Variants in GARIN1B observed in about 807,000 individuals in gnomAD.
The protein encoded by GARIN1B is golgi associated RAB2 interactor 1B.
chr7:128,731,045 G>T, the GARIN1B span: 3 of 1,512,862 alleles, frequency 2.0e-6, no homozygotes, highest in Admixed American at 5.0e-5. Flanking sequence ...GCCCACAAAA[G>T]AGCTTTTTAG....
the GARIN1B span, chr7:128,723,434 C>T: frequency 2.3e-6 from 3 of 1,302,672 alleles, no homozygotes; most frequent in South Asian, 2.8e-5. Context: ...TTTACGTGAC[C>T]AGGCACGGTG....
chr7:128,730,310 C>T, the GARIN1B span, among the ~76,000 whole-genome samples: 11,646 of 152,240 alleles, frequency 0.076, 763 homozygotes, highest in East Asian at 0.37. Flanking sequence ...GCTGCTTTCT[C>T]TTGCTGTATG....
the GARIN1B span, chr7:128,723,133 T>C: frequency 4.3e-5 from 64 of 1,479,002 alleles, no homozygotes; most frequent in Non-Finnish European, 5.2e-5. Context: ...TGGACCATGA[T>C]ATTAGGAAAA....
the GARIN1B span, chr7:128,714,236 C>A: frequency 8.5e-7 from 1 of 1,171,806 alleles, no homozygotes; most frequent in Non-Finnish European, 1.2e-6. Flanking sequence ...CAAACTCTGT[C>A]TATATGTGTT....
At chr7:128,726,494 T>C in the GARIN1B span, among the ~76,000 whole-genome samples, 2 of 152,194 alleles carry the variant, frequency 1.3e-5, no homozygotes, top group Non-Finnish European at 1.5e-5. Context: ...TTTTTGCACA[T>C]TGGCAACAAC....
At chr7:128,716,233 G>A in the GARIN1B span, among the ~76,000 whole-genome samples, 1 of 152,130 alleles carries the variant, frequency 6.6e-6, no homozygotes, top group Non-Finnish European at 1.5e-5. Context: ...ACAGGCACTC[G>A]GTGCACGTTC....
chr7:128,717,379 A>G, the GARIN1B span, among the ~76,000 whole-genome samples: 3 of 151,810 alleles, frequency 2.0e-5, no homozygotes, highest in Non-Finnish European at 2.9e-5. Flanking sequence ...ACTGGACTCA[A>G]TTTTTAAAAT....
At chr7:128,730,076 CA>C in the GARIN1B span, 1 of 1,610,256 alleles carries the variant, frequency 6.2e-7, no homozygotes, top group South Asian at 1.1e-5. Context: ...ATAGGTACAG[CA>C]ATGGGAGGAA....
the GARIN1B span, chr7:128,723,416 C>T: frequency 1.2e-5 from 17 of 1,474,866 alleles, no homozygotes; most frequent in African/African-American, 7.0e-5. Flanking sequence ...GGTTAATGAG[C>T]GCAGGGTTTT....
chr7:128,720,082 A>C, the GARIN1B span, among the ~76,000 whole-genome samples: 1 of 152,020 alleles, frequency 6.6e-6, no homozygotes, highest in Non-Finnish European at 1.5e-5. Context: ...TCTTCATCTG[A>C]TAGATGATTT....
At chr7:128,719,098 T>C in the GARIN1B span, 1 of 1,610,636 alleles carries the variant, frequency 6.2e-7, no homozygotes, top group East Asian at 2.2e-5. Context: ...GTGAGCACCA[T>C]TGCCACCCTG....
chr7:128,727,347 C>T, the GARIN1B span, among the ~76,000 whole-genome samples: 16 of 152,198 alleles, frequency 1.1e-4, 1 homozygote, highest in East Asian at 1.9e-3. Flanking sequence ...AAAGCTTGTG[C>T]CTAGGGTGCC....
At chr7:128,723,617 C>T in the GARIN1B span, among the ~76,000 whole-genome samples, 1 of 146,308 alleles carries the variant, frequency 6.8e-6, no homozygotes, top group African/African-American at 2.5e-5. Flanking sequence ...TCAAGCGATT[C>T]TCCCGCCTCA....
the GARIN1B span, among the ~76,000 whole-genome samples, chr7:128,724,230 C>T: frequency 6.6e-6 from 1 of 152,024 alleles, no homozygotes; most frequent in Non-Finnish European, 1.5e-5. Context: ...AGGCTGGTCT[C>T]GAATTCCTGA....
the GARIN1B span, chr7:128,731,355 G>T: frequency 1.7e-6 from 1 of 583,132 alleles, no homozygotes. Context: ...TGTGCTCTCA[G>T]AATGGCCGGG....
the GARIN1B span, among the ~76,000 whole-genome samples, chr7:128,713,363 A>G: frequency 2.0e-5 from 3 of 152,152 alleles, no homozygotes; most frequent in Admixed American, 2.0e-4. Context: ...CTAATAGACA[A>G]CTAAGTATCT....
chr7:128,709,753 T>TC, the GARIN1B span, among the ~76,000 whole-genome samples: 1 of 85,928 alleles, frequency 1.2e-5, no homozygotes, highest in Non-Finnish European at 2.4e-5. Flanking sequence ...TCTCTCTCTT[T>TC]TTTTTTTTTT....
chr7:128,709,076 A>T, the GARIN1B span: 1 of 150,222 alleles, frequency 6.7e-6, no homozygotes, highest in Non-Finnish European at 1.5e-5. Flanking sequence ...CCCCCTTCTC[A>T]CCGGCCAGGA....
chr7:128,710,968 T>A, the GARIN1B span, among the ~76,000 whole-genome samples: 2 of 152,180 alleles, frequency 1.3e-5, no homozygotes, highest in East Asian at 3.9e-4. Flanking sequence ...TGGTTTTTCT[T>A]GTTTCTTTGC....
Sources: allele counts gnomAD v4.1 joint callset (sites outside exome capture counted in the v4.1 genomes callset), GRCh38; gene constraint gnomAD v4.1.1; transcripts MANE v1.5; gene names NCBI Gene and HGNC (gene_info 2026-07-23, HGNC 2026-07-21).